The following GRID2 variants were observed in gnomAD, a reference collection of about 807,000 sequenced individuals.
The protein encoded by GRID2 is glutamate receptor ionotropic, delta-2.
Under a neutral mutation model 114.8 loss-of-function variants are expected in GRID2, and 33 were observed. The observed-to-expected ratio is 0.29, with a 90% confidence interval of 0.22 to 0.38. The LOEUF is 0.38. Among genes scored for constraint, GRID2 ranks in the 10% least tolerant of loss-of-function variants. GRID2 has a pLI of 1.00. For missense variants in GRID2, 1,184 were observed against 1,257.7 expected, an observed-to-expected ratio of 0.94 and a Z score of 0.89; for synonymous variants, 505 against 449.9, an observed-to-expected ratio of 1.12 and a Z score of -1.55.
chr4:93,651,326 C>T (rs10516935), intron 14 of GRID2, among the ~76,000 whole-genome samples: 69,655 of 152,000 alleles, frequency 0.46, 17,497 homozygotes, highest in African/African-American at 0.67. Flanking sequence ...GTTATTCTTT[C>T]GATAACATAG....
intron 2 of GRID2, among the ~76,000 whole-genome samples, chr4:92,656,607 CA>C (rs1732250768): frequency 6.6e-6 from 1 of 151,812 alleles, no homozygotes; most frequent in South Asian, 2.1e-4. Context: ...AAAATCATCA[CA>C]ATCTAATCAT....
At chr4:93,073,596 C>T in intron 2 of GRID2, among the ~76,000 whole-genome samples, 1 of 152,058 alleles carries the variant, frequency 6.6e-6, no homozygotes, top group East Asian at 1.9e-4. Context: ...CAAGGGTTGA[C>T]TATGTTTTTC....
At chr4:92,633,493 A>G (rs1451882611) in intron 2 of GRID2, among the ~76,000 whole-genome samples, 1 of 152,106 alleles carries the variant, frequency 6.6e-6, no homozygotes, top group Admixed American at 6.6e-5. Context: ...TCATTCAACT[A>G]CATATAACGA....
At chr4:92,876,295 A>G (rs954597393) in intron 2 of GRID2, among the ~76,000 whole-genome samples, 11 of 149,628 alleles carry the variant, frequency 7.4e-5, no homozygotes, top group Non-Finnish European at 1.5e-4. Flanking sequence ...TTATTTATTT[A>G]TTTATTTATT....
At chr4:92,629,778 C>CTT (rs199622998) in intron 2 of GRID2, among the ~76,000 whole-genome samples, 10 of 140,028 alleles carry the variant, frequency 7.1e-5, no homozygotes, top group Admixed American at 5.0e-4. Flanking sequence ...TATGTTTTTT[C>CTT]TTTTTTTTTT....
chr4:93,635,410 A>C (rs2149704926), intron 14 of GRID2, among the ~76,000 whole-genome samples: 1 of 149,260 alleles, frequency 6.7e-6, no homozygotes, highest in Non-Finnish European at 1.5e-5. Context: ...TATATTATAT[A>C]TATTTATACA....
intron 1 of GRID2, among the ~76,000 whole-genome samples, chr4:92,523,432 A>G (rs1724884976): frequency 6.6e-6 from 1 of 152,112 alleles, no homozygotes; most frequent in Admixed American, 6.6e-5. Flanking sequence ...TTAAAGTTGA[A>G]ACCATGAGAT....
chr4:93,575,061 G>A (rs1359589744), intron 13 of GRID2, among the ~76,000 whole-genome samples: 1 of 152,106 alleles, frequency 6.6e-6, no homozygotes, highest in Non-Finnish European at 1.5e-5. Context: ...TAGTGGTTCA[G>A]GGATCTTAGG....
intron 5 of GRID2, among the ~76,000 whole-genome samples, chr4:93,210,516 G>GT (rs1410250730): frequency 6.6e-6 from 1 of 152,066 alleles, no homozygotes; most frequent in Non-Finnish European, 1.5e-5. Context: ...TTGAAGTCAG[G>GT]TAGCATGATG....
intron 1 of GRID2, among the ~76,000 whole-genome samples, chr4:92,340,906 C>CA (rs1273085882): frequency 6.6e-6 from 1 of 152,052 alleles, no homozygotes; most frequent in Non-Finnish European, 1.5e-5. Flanking sequence ...ACAAAGCAGA[C>CA]AACAGTATGG....
intron 1 of GRID2, among the ~76,000 whole-genome samples, chr4:92,559,880 A>AT (rs1042631558): frequency 6.6e-6 from 1 of 152,206 alleles, no homozygotes; most frequent in Non-Finnish European, 1.5e-5. Flanking sequence ...AGATATAGTC[A>AT]TTGCCTAATA....
intron 2 of GRID2, among the ~76,000 whole-genome samples, chr4:92,834,608 C>G (rs1451134823): frequency 6.6e-6 from 1 of 152,130 alleles, no homozygotes; most frequent in Non-Finnish European, 1.5e-5. Context: ...TACCCTCAAG[C>G]AGCTTATACT....
intron 2 of GRID2, among the ~76,000 whole-genome samples, chr4:92,999,283 T>G (rs1220821586): frequency 6.6e-6 from 1 of 151,844 alleles, no homozygotes; most frequent in Non-Finnish European, 1.5e-5. Flanking sequence ...TTGTCTTCAT[T>G]TATTAATTAA....
intron 3 of GRID2, 75 bp from the exon 4 acceptor site, chr4:93,110,673 T>G: frequency 1.1e-6 from 1 of 934,828 alleles, no homozygotes; most frequent in Non-Finnish European, 1.8e-6. Context: ...TCTATTCTGA[T>G]ATAGGTGAAA....
At chr4:93,293,751 A>G (rs1034803644) in intron 8 of GRID2, among the ~76,000 whole-genome samples, 4 of 152,226 alleles carry the variant, frequency 2.6e-5, no homozygotes, top group East Asian at 3.8e-4. Flanking sequence ...TTATTTGTTC[A>G]TATTGGCTTA....
At chr4:93,786,724 C>A (rs900675136) in intron 1 of GRID2, among the ~76,000 whole-genome samples, 1 of 152,192 alleles carries the variant, frequency 6.6e-6, no homozygotes, top group Non-Finnish European at 1.5e-5. Context: ...TCTAGAGCAA[C>A]ATGGCAGAAC....
At position 93,557,548 on chromosome 4, in the gene GRID2, A is replaced by C. The variant is rs777352293; in HGVS notation, c.2193+42137A>C. Among the ~76,000 whole-genome samples the C allele has an allele frequency of 3.3e-4, 50 of 152,334 alleles. No homozygotes were observed. In the Middle Eastern group the frequency reaches 0.01, roughly 31 times the overall value. ...CAACAAGAAGAGCTAACTATCCTAC[A>C]TATATATGCACCCAATACAGGAGCA... is the stretch of plus-strand genomic sequence containing the variant. On this transcript the variant is annotated intron_variant, in intron 13 of 15. Transcript: ENST00000282020.
chr4:93,753,735 T>A lies in GRID2; in HGVS notation c.2361-15475T>A, dbSNP rs867165486. Among the ~76,000 whole-genome samples, 11 of 152,194 alleles carry A rather than the reference T, an allele frequency of 7.2e-5. 1 individual carries two copies. Among genetic ancestry groups the A allele is most frequent in the Non-Finnish European group, 1.5e-4 (10 of 68,036 alleles). On this transcript the variant is annotated intron_variant, in intron 14 of 15. Coordinates refer to ENST00000282020, the MANE Select transcript of GRID2 (RefSeq NM_001510.4). The stretch of plus-strand genomic sequence containing the variant: ...CATGTGCCACATTTTCTTAATCCAG[T>A]CTATCATTGATGGACATTTGGGTTG...
intron 13 of GRID2, among the ~76,000 whole-genome samples, chr4:93,530,174 A>G (rs1560719094): frequency 6.6e-6 from 1 of 152,134 alleles, no homozygotes; most frequent in East Asian, 1.9e-4. Context: ...GACTACAGAA[A>G]TAACTAACTA....
Sources: gnomAD v4.1 joint callset for allele counts (sites outside exome capture counted in the v4.1 genomes callset) on GRCh38, gnomAD v4.1.1 for gene constraint, MANE v1.5 for transcripts, NCBI Gene and HGNC (gene_info 2026-07-23, HGNC 2026-07-21) for gene names.